Variants in CD53 observed in about 807,000 individuals in gnomAD.
The protein encoded by CD53 is CD53 molecule.
Under a neutral mutation model 27.3 loss-of-function variants are expected in CD53, and 20 were observed. That is an observed-to-expected ratio of 0.73 (90% CI 0.52 to 1.07). CD53 has a LOEUF of 1.07. Ranked by LOEUF, CD53 falls within the 50% of genes least tolerant of loss-of-function variation. CD53 has a pLI of 0.00. For synonymous variants in CD53, 106 were observed against 105.3 expected (o/e 1.01, Z -0.04); for missense variants, 216 against 264.0 (o/e 0.82, Z 1.26).
At chr1:110,898,379 G>GAA (rs11390194) in intron 7 of CD53, among the ~76,000 whole-genome samples, 49,037 of 115,244 alleles carry the variant, frequency 0.43, 11,486 homozygotes, top group Admixed American at 0.54. Context: ...TCTGTCTCCA[G>GAA]AAAAAAAAAA....
intron 1 of CD53, among the ~76,000 whole-genome samples, chr1:110,887,099 T>C (rs1301357485): frequency 6.6e-6 from 1 of 151,170 alleles, no homozygotes; most frequent in African/African-American, 2.4e-5. Flanking sequence ...AGTCTCGCTC[T>C]GTCACCCAGG....
intron 2 of CD53, 72 bp downstream of exon 2, chr1:110,891,543 A>AT: frequency 8.6e-7 from 1 of 1,169,028 alleles, no homozygotes; most frequent in Non-Finnish European, 1.3e-6. Context: ...CCTCTACTGA[A>AT]GAGGCTGGTG....
Position 110,897,863 on chromosome 1 carries a change from A to G in CD53, c.559A>G (p.Ile187Val). 6.2e-7 allele frequency: 1 copy of G among 1,611,580 alleles called. No homozygotes were observed. Among genetic ancestry groups the G allele is most frequent in the African/African-American group, 1.3e-5 (1 of 74,994 alleles). The change falls in exon 7 of 8, where the codon ATC becomes GTC. Residue 187 changes from isoleucine to valine, a missense_variant. Coordinates refer to ENST00000271324, the MANE Select transcript of CD53 (RefSeq NM_000560.4). ...WFHSNFLYIG[I>V]ITICVCVIEV... ...TCATTCCAATTTCCTGTATATCGGAATCATCACCATCTGTGTATGTGTGAT... is the reference window on the plus strand; with the variant it reads ...TCATTCCAATTTCCTGTATATCGGAGTCATCACCATCTGTGTATGTGTGAT...
Position 110,899,646 on chromosome 1 carries a change from CCT to C in CD53, c.*454_*455del, listed in dbSNP as rs552500449. ...AGGCTCACTGGACCATTGTCACAAC[CCT>C]CTGTTTCTCTTTGACTAAGTGCCCT... On this transcript the variant is annotated 3_prime_UTR_variant, in exon 8 of 8. Transcript: ENST00000271324. 1 of 163,238 alleles carries C rather than the reference CCT, an allele frequency of 6.1e-6. No homozygotes were observed. The highest frequency in any genetic ancestry group is 2.4e-5 in the African/African-American group (1 of 41,642). 10.1% of individuals were successfully genotyped at this position (163,238 alleles called of 1,614,324 possible). A position where few individuals can be genotyped will look rare whatever the true frequency, so the allele number is the denominator to read the frequency against.
chr1:110,871,579 T>C (rs1655968235), upstream of CD53, among the ~76,000 whole-genome samples: 2 of 152,112 alleles, frequency 1.3e-5, no homozygotes, highest in Non-Finnish European at 2.9e-5. Flanking sequence ...GGCATCTATA[T>C]AGATTTGTGA....
chr1:110,877,253 C>T (rs935112254), intron 1 of CD53, among the ~76,000 whole-genome samples: 2 of 152,086 alleles, frequency 1.3e-5, no homozygotes, highest in African/African-American at 4.8e-5. Flanking sequence ...CTGATGTTTC[C>T]TCATGATTAG....
chr1:110,899,109 C>A lies in CD53; in HGVS notation c.589-15C>A. 1 of 1,610,576 alleles carries A rather than the reference C, an allele frequency of 6.2e-7. No homozygotes were observed. The highest frequency in any genetic ancestry group is 8.5e-7 in the Non-Finnish European group (1 of 1,177,576). On this transcript the variant is annotated splice_polypyrimidine_tract_variant and intron_variant, in intron 7 of 7. Coordinates refer to ENST00000271324, the MANE Select transcript of CD53 (RefSeq NM_000560.4). The stretch of plus-strand genomic sequence containing the variant: ...TTCTTATGAAGACTTCAAATTTTCC[C>A]AACTCTTTTCACAGGTGTTGGGGAT...
intron 1 of CD53, among the ~76,000 whole-genome samples, chr1:110,876,932 C>G (rs1213618905): frequency 6.6e-6 from 1 of 152,042 alleles, no homozygotes; most frequent in Non-Finnish European, 1.5e-5. Flanking sequence ...TGATTGATGC[C>G]CTTTCCCCTA....
Position 110,897,857 on chromosome 1 carries a change from A to C in CD53, c.553A>C (p.Ile185Leu), listed in dbSNP as rs753040532. ...GTGGTTTCATTCCAATTTCCTGTATATCGGAATCATCACCATCTGTGTATG... is the reference window on the plus strand; with the variant it reads ...GTGGTTTCATTCCAATTTCCTGTATCTCGGAATCATCACCATCTGTGTATG... Reference protein sequence around the residue: ...RLWFHSNFLYIGIITICVCVI... With the variant: ...RLWFHSNFLYLGIITICVCVI... The change falls in exon 7 of 8, where the codon ATC becomes CTC. Residue 185 changes from isoleucine to leucine, a missense_variant. Physicochemically the swap from Ile to Leu is conservative, Grantham distance 5. Coordinates refer to ENST00000271324, the MANE Select transcript of CD53 (RefSeq NM_000560.4). 1.2e-6 allele frequency: 2 copies of C among 1,612,016 alleles called. No individual in the cohort carries two copies. Among genetic ancestry groups the C allele is most frequent in the Admixed American group, 3.3e-5 (2 of 59,986 alleles).
At chr1:110,880,014 C>T (rs1358565700) in intron 1 of CD53, among the ~76,000 whole-genome samples, 1 of 152,182 alleles carries the variant, frequency 6.6e-6, no homozygotes, top group Non-Finnish European at 1.5e-5. Flanking sequence ...AGCTCAAGCC[C>T]ATTGGAGGAA....
At chr1:110,897,675 GA>G in intron 6 of CD53, 133 bp from the exon 7 acceptor site, 2 of 514,334 alleles carry the variant, frequency 3.9e-6, no homozygotes, top group Non-Finnish European at 7.0e-6. Flanking sequence ...TTCACGCAAA[GA>G]AAATAAAAAT....
intron 2 of CD53, 107 bp from the exon 3 acceptor site, chr1:110,892,238 T>A (rs1656882250): frequency 1.2e-6 from 1 of 847,526 alleles, no homozygotes; most frequent in African/African-American, 1.7e-5. Flanking sequence ...GACTCTTGAT[T>A]GAGCCAGTTA....
chr1:110,872,183 C>G (rs145500586), upstream of CD53, among the ~76,000 whole-genome samples: 1 of 152,310 alleles, frequency 6.6e-6, no homozygotes, highest in Non-Finnish European at 1.5e-5. Flanking sequence ...GTCACATACT[C>G]CTTTGACCCA....
chr1:110,875,525 C>T (rs1044018490), intron 1 of CD53, among the ~76,000 whole-genome samples: 2 of 152,194 alleles, frequency 1.3e-5, no homozygotes, highest in African/African-American at 4.8e-5. Flanking sequence ...CCAGGAAGTA[C>T]TGCATTGATT....
chr1:110,874,137 T>C (rs1297016650), intron 1 of CD53, among the ~76,000 whole-genome samples: 3 of 152,188 alleles, frequency 2.0e-5, no homozygotes, highest in Non-Finnish European at 4.4e-5. Flanking sequence ...CACTTGATTA[T>C]GCCCTGGAGC....
At chr1:110,893,456 G>A (rs1004648563) in intron 3 of CD53, among the ~76,000 whole-genome samples, 1 of 152,158 alleles carries the variant, frequency 6.6e-6, no homozygotes, top group Admixed American at 6.5e-5. Context: ...CCGAGTAGCT[G>A]GGATTACAGT....
chr1:110,884,687 A>ATAAT (rs949405735), intron 1 of CD53, among the ~76,000 whole-genome samples: 6 of 151,930 alleles, frequency 3.9e-5, no homozygotes, highest in South Asian at 2.1e-4. Context: ...CAGTCCCTTT[A>ATAAT]TAAAGTAATC....
chr1:110,887,623 G>A (rs376707237), intron 1 of CD53, among the ~76,000 whole-genome samples: 1 of 152,174 alleles, frequency 6.6e-6, no homozygotes, highest in African/African-American at 2.4e-5. Context: ...CTTAAGATTT[G>A]TTGGGTAGAA....
chr1:110,888,662 G>T (rs1035677045), intron 1 of CD53, among the ~76,000 whole-genome samples: 1 of 152,150 alleles, frequency 6.6e-6, no homozygotes, highest in East Asian at 1.9e-4. Context: ...AAGGTGAAAT[G>T]AATTTTAATA....
Sources: gnomAD v4.1 joint callset for allele counts (sites outside exome capture counted in the v4.1 genomes callset) on GRCh38, gnomAD v4.1.1 for gene constraint, MANE v1.5 for transcripts, NCBI Gene and HGNC (gene_info 2026-07-23, HGNC 2026-07-21) for gene names.